Variants in GRM5 observed in about 807,000 individuals in gnomAD.
GRM5 encodes metabotropic glutamate receptor 5.
A neutral mutation model predicts 83.1 loss-of-function variants in GRM5; 19 were observed. That is an observed-to-expected ratio of 0.23 (90% confidence interval 0.16 to 0.34). The LOEUF is 0.34. GRM5 is among the 10% of genes least tolerant of loss of function. The pLI, the probability that GRM5 is intolerant of heterozygous loss-of-function variation, is 1.00. For synonymous variants in GRM5, 675 were observed against 633.6 expected (o/e 1.07, Z -0.98); for missense variants, 1,160 against 1,588.3 (o/e 0.73, Z 4.58).
chr11:88,808,224 A>G (rs997124013), intron 3 of GRM5, among the ~76,000 whole-genome samples: 1 of 152,022 alleles, frequency 6.6e-6, no homozygotes, highest in African/African-American at 2.4e-5. Context: ...ATTTTCCACT[A>G]GAATATAAGT....
At chr11:88,736,218 C>A (rs545896068) in intron 3 of GRM5, among the ~76,000 whole-genome samples, 11 of 151,948 alleles carry the variant, frequency 7.2e-5, no homozygotes, top group African/African-American at 2.7e-4. Context: ...TGCAACAAAC[C>A]TAAAAAAAAC....
At chr11:88,719,929 C>T (rs1420932944) in intron 3 of GRM5, among the ~76,000 whole-genome samples, 4 of 151,920 alleles carry the variant, frequency 2.6e-5, no homozygotes, top group African/African-American at 9.7e-5. Context: ...TTTCCTTGTA[C>T]ATTTGTTTAG....
chr11:88,625,243 A>C (rs984394810), intron 4 of GRM5, among the ~76,000 whole-genome samples: 6 of 152,144 alleles, frequency 3.9e-5, no homozygotes, highest in African/African-American at 1.4e-4. Context: ...AACAGGGAAC[A>C]AAATGGCCAG....
chr11:88,529,876 T>G (rs1257995285), intron 8 of GRM5, among the ~76,000 whole-genome samples: 1 of 152,000 alleles, frequency 6.6e-6, no homozygotes, highest in Non-Finnish European at 1.5e-5. Context: ...TGCAGTTAAC[T>G]GAGTTAAGAA....
chr11:88,622,597 G>A (rs1356941342), intron 4 of GRM5, among the ~76,000 whole-genome samples: 1 of 152,158 alleles, frequency 6.6e-6, no homozygotes, highest in Non-Finnish European at 1.5e-5. Context: ...AGGGAGCTAC[G>A]AGGAAGGGGT....
chr11:88,917,238 A>G (rs564054598), intron 2 of GRM5, among the ~76,000 whole-genome samples: 1 of 152,350 alleles, frequency 6.6e-6, no homozygotes, highest in South Asian at 2.1e-4. Context: ...AAGATCACCA[A>G]GGTGGCACCT....
chr11:88,753,260 A>G (rs1236864157), intron 3 of GRM5, among the ~76,000 whole-genome samples: 1 of 152,204 alleles, frequency 6.6e-6, no homozygotes, highest in African/African-American at 2.4e-5. Flanking sequence ...ATTTATGAGA[A>G]AAAACAACCC....
chr11:88,777,205 C>A (rs1390441609), intron 3 of GRM5, among the ~76,000 whole-genome samples: 1 of 152,190 alleles, frequency 6.6e-6, no homozygotes, highest in Non-Finnish European at 1.5e-5. Flanking sequence ...ATCATTGATA[C>A]CGTTTCTTCC....
chr11:88,646,252 C>T lies in GRM5; in HGVS notation c.1147+6916G>A, dbSNP rs542046413. On this transcript the variant is annotated intron_variant, in intron 4 of 9. Coordinates refer to ENST00000305447, the MANE Select transcript of GRM5 (RefSeq NM_001143831.3). ...TTTTAACTTAATTATTTGTAGCTTA[C>T]TTTATTACTGTTAAATATACTATTA... Among the ~76,000 whole-genome samples, 6 of 152,118 alleles carry T rather than the reference C, an allele frequency of 3.9e-5. No individual in the cohort carries two copies. The East Asian group carries it at 9.6e-4, about 24-fold the overall frequency.
At chr11:88,950,134 A>G (rs1590989911) in intron 2 of GRM5, among the ~76,000 whole-genome samples, 1 of 151,508 alleles carries the variant, frequency 6.6e-6, no homozygotes, top group African/African-American at 2.4e-5. Context: ...TCAGCCTCCC[A>G]AAGTGCTGGG....
At chr11:88,569,574 T>G (rs1314865759) in intron 7 of GRM5, among the ~76,000 whole-genome samples, 1 of 152,234 alleles carries the variant, frequency 6.6e-6, no homozygotes, top group Non-Finnish European at 1.5e-5. Context: ...GTAACCTTTT[T>G]CCCTTCTTTA....
chr11:88,600,232 C>A (rs1215867999), intron 5 of GRM5, among the ~76,000 whole-genome samples: 1 of 149,240 alleles, frequency 6.7e-6, no homozygotes, highest in Non-Finnish European at 1.5e-5. Context: ...CCTCAATCCT[C>A]CTCCTCCTTC....
At chr11:88,856,319 C>CT (rs1255638244) in intron 2 of GRM5, among the ~76,000 whole-genome samples, 2 of 152,000 alleles carry the variant, frequency 1.3e-5, no homozygotes, top group Non-Finnish European at 1.5e-5. Flanking sequence ...ACTTTTTAAA[C>CT]TTTTTTCTTA....
In GRM5 at chr11:88,933,439, C is replaced by G. The variant is rs1241890760; in HGVS notation, c.662-83284G>C. 6.6e-5 allele frequency among the ~76,000 whole-genome samples: 10 copies of G among 151,780 alleles called. No individual in the cohort carries two copies. In the East Asian group the frequency reaches 1.6e-3, roughly 24 times the overall value. ...AAACTTCAAACTGATGTATTGAGAC[C>G]AAATTAAAAGCAATCTCAACTGCTC... On this transcript the variant is annotated intron_variant, in intron 2 of 9. Transcript: ENST00000305447.
chr11:88,996,069 T>C (rs1268144535), intron 2 of GRM5, among the ~76,000 whole-genome samples: 1 of 152,174 alleles, frequency 6.6e-6, no homozygotes, highest in Non-Finnish European at 1.5e-5. Context: ...AAATGTATGC[T>C]TGTATGAGAT....
chr11:88,888,061 C>A (rs1011697113), intron 2 of GRM5, among the ~76,000 whole-genome samples: 5 of 152,116 alleles, frequency 3.3e-5, no homozygotes, highest in Admixed American at 2.6e-4. Context: ...CTAAAATTTT[C>A]CATTCCATCA....
At chr11:88,931,911 T>C (rs1480492344) in intron 2 of GRM5, among the ~76,000 whole-genome samples, 1 of 152,156 alleles carries the variant, frequency 6.6e-6, no homozygotes, top group Admixed American at 6.6e-5. Flanking sequence ...ACACACTGCA[T>C]GGTTCATCAA....
chr11:88,604,244 G>A (rs946139312), intron 5 of GRM5, among the ~76,000 whole-genome samples: 1 of 152,130 alleles, frequency 6.6e-6, no homozygotes, highest in Non-Finnish European at 1.5e-5. Context: ...TCCAGCTGGA[G>A]AATAATAAAA....
At chr11:89,019,600 G>A (rs563315970) in intron 2 of GRM5, among the ~76,000 whole-genome samples, 1 of 151,930 alleles carries the variant, frequency 6.6e-6, no homozygotes, top group East Asian at 1.9e-4. Flanking sequence ...AGCTACCCAG[G>A]AGGTTGAGGC....
Sources: allele counts gnomAD v4.1 joint callset (sites outside exome capture counted in the v4.1 genomes callset), GRCh38; gene constraint gnomAD v4.1.1; transcripts MANE v1.5; gene names NCBI Gene and HGNC (gene_info 2026-07-23, HGNC 2026-07-21).